Variants in STAT4 observed in about 807,000 individuals in gnomAD.
The protein encoded by STAT4 is signal transducer and activator of transcription 4.
Under a neutral mutation model 110.5 loss-of-function variants are expected in STAT4, and 42 were observed. That is an observed-to-expected ratio of 0.38 (90% CI 0.30 to 0.49). STAT4 has a LOEUF of 0.49. Among genes scored for constraint, STAT4 ranks in the 20% least tolerant of loss-of-function variants. The probability of loss-of-function intolerance (pLI) is 0.95; values close to 1 mark genes in which losing one functional copy is unlikely to be tolerated. For missense variants in STAT4, 632 were observed against 887.9 expected, an observed-to-expected ratio of 0.71 and a Z score of 3.66; for synonymous variants, 284 against 302.2, an observed-to-expected ratio of 0.94 and a Z score of 0.63.
At chr2:191,047,419 G>T (rs1056028863) in intron 14 of STAT4, among the ~76,000 whole-genome samples, 1 of 152,184 alleles carries the variant, frequency 6.6e-6, no homozygotes, top group African/African-American at 2.4e-5. Flanking sequence ...CTTGCAATGG[G>T]CATCTGAATT....
chr2:191,124,170 A>G (rs910093727), intron 3 of STAT4, among the ~76,000 whole-genome samples: 1 of 152,202 alleles, frequency 6.6e-6, no homozygotes, highest in Non-Finnish European at 1.5e-5. Context: ...TAAAAAAGAT[A>G]CTGAGGCCGG....
chr2:191,148,221 A>C lies in STAT4; in HGVS notation c.-1-17T>G. ...TGAGACATGCTATAAAAGAAGGTGTAGAATTAGAGTTTTAAAATATTGTTC... is the reference window on the plus strand; with the variant it reads ...TGAGACATGCTATAAAAGAAGGTGTCGAATTAGAGTTTTAAAATATTGTTC... On this transcript the variant is annotated splice_polypyrimidine_tract_variant and intron_variant, in intron 1 of 23. Transcript: ENST00000392320. 1 of 1,610,912 alleles carries C rather than the reference A, an allele frequency of 6.2e-7. No homozygotes were observed. Among genetic ancestry groups the C allele is most frequent in the Non-Finnish European group, 8.5e-7 (1 of 1,178,922 alleles).
rs1697794381 is a variant in STAT4 at position 191,091,443 on chromosome 2, TA to T, written c.274-15119del. Among the ~76,000 whole-genome samples the T allele has an allele frequency of 1.3e-5, 2 of 152,170 alleles. No individual in the cohort carries two copies. Among genetic ancestry groups the T allele is most frequent in the East Asian group, 1.9e-4 (1 of 5,198 alleles). The stretch of plus-strand genomic sequence containing the variant: ...AACTTTAAAATCTGAGAAGACACAT[TA>T]AAAACATAAATTCTAAATGTGAGAG... On this transcript the variant is annotated intron_variant, in intron 3 of 23. Transcript: ENST00000392320. This position sits in a 1 kb window ranked among gnomAD's most constrained non-coding sequence, Gnocchi z 5.4.
At chr2:191,098,477 G>A (rs1185173515) in intron 3 of STAT4, among the ~76,000 whole-genome samples, 1 of 152,124 alleles carries the variant, frequency 6.6e-6, no homozygotes, top group Non-Finnish European at 1.5e-5. Context: ...CATGGATGAA[G>A]CTGGAAACCC....
At chr2:191,123,723 A>G (rs1490457950) in intron 3 of STAT4, among the ~76,000 whole-genome samples, 1 of 152,248 alleles carries the variant, frequency 6.6e-6, no homozygotes, top group Admixed American at 6.5e-5. Flanking sequence ...TGTATTGAAT[A>G]TAGTACACTG....
intron 3 of STAT4, among the ~76,000 whole-genome samples, chr2:191,106,453 A>C (rs1200919575): frequency 2.6e-5 from 4 of 151,942 alleles, no homozygotes; most frequent in African/African-American, 9.7e-5. Flanking sequence ...TGAGGTCAGG[A>C]GTTCGAGTCT....
At chr2:191,120,732 C>T (rs932206720) in intron 3 of STAT4, among the ~76,000 whole-genome samples, 5 of 152,204 alleles carry the variant, frequency 3.3e-5, no homozygotes, top group Middle Eastern at 3.4e-3. Context: ...ATGTAGAAAG[C>T]GGAAACTGGA....
intron 4 of STAT4, among the ~76,000 whole-genome samples, chr2:191,074,645 C>T (rs1229479053): frequency 6.6e-6 from 1 of 152,128 alleles, no homozygotes; most frequent in African/African-American, 2.4e-5. Context: ...GCTGAGAATA[C>T]ATGTGAGAAT....
At chr2:191,092,858 C>T (rs545746025) in intron 3 of STAT4, among the ~76,000 whole-genome samples, 112 of 152,258 alleles carry the variant, frequency 7.4e-4, no homozygotes, top group Middle Eastern at 3.4e-3. Flanking sequence ...CTGCACTTTT[C>T]CAATGGTTTT....
chr2:191,097,073 G>C (rs1476889657), intron 3 of STAT4, among the ~76,000 whole-genome samples: 1 of 152,090 alleles, frequency 6.6e-6, no homozygotes, highest in Non-Finnish European at 1.5e-5. Flanking sequence ...GGGATGTGAA[G>C]GACCTCTTCA....
intron 3 of STAT4, among the ~76,000 whole-genome samples, chr2:191,127,301 C>T (rs574508290): frequency 9.0e-4 from 137 of 152,262 alleles, no homozygotes; most frequent in Non-Finnish European, 1.7e-3. Flanking sequence ...TCAAGATCTT[C>T]GCTTAAAGTG....
chr2:191,087,071 G>A (rs538567880), intron 3 of STAT4, among the ~76,000 whole-genome samples: 1 of 152,218 alleles, frequency 6.6e-6, no homozygotes, highest in East Asian at 1.9e-4. Context: ...TTAGAGATCT[G>A]ATTGTCTACC....
intron 4 of STAT4, among the ~76,000 whole-genome samples, chr2:191,075,837 CTTTTTT>C (rs71407854): frequency 5.9e-4 from 72 of 121,480 alleles, no homozygotes; most frequent in African/African-American, 2.0e-3. Context: ...TTCTTTCTTT[CTTTTTT>C]TTTTTTTTTT....
Position 191,032,098 on chromosome 2 carries a change from T to A in STAT4, c.2045-582A>T, listed in dbSNP as rs1342534742. ...ATTGATATTTGTTATTTCATTTTTA[T>A]CAGTTGTTGAAAGTCACTGAAAAGC... On this transcript the variant is annotated intron_variant, in intron 21 of 23. Transcript: ENST00000392320. This position sits in a 1 kb window ranked among gnomAD's most constrained non-coding sequence, Gnocchi z 4.9. 1 of 152,276 alleles carries A rather than the reference T, an allele frequency of 6.6e-6. No homozygotes were observed. Among genetic ancestry groups the A allele is most frequent in the East Asian group, 1.9e-4 (1 of 5,200 alleles). 9.4% of individuals were successfully genotyped at this position (152,276 alleles called of 1,614,324 possible). A position where few individuals can be genotyped will look rare whatever the true frequency, so the allele number is the denominator to read the frequency against.
At chr2:191,111,131 A>G (rs1005941623) in intron 3 of STAT4, among the ~76,000 whole-genome samples, 1 of 152,232 alleles carries the variant, frequency 6.6e-6, no homozygotes, top group African/African-American at 2.4e-5. Context: ...TATTACATAT[A>G]AAAAGCAAAA....
Position 191,091,981 on chromosome 2 carries a change from T to G in STAT4, c.274-15656A>C, listed in dbSNP as rs540487689. Among the ~76,000 whole-genome samples, 1 of 152,308 alleles carries G rather than the reference T, an allele frequency of 6.6e-6. No individual in the cohort carries two copies. The highest frequency in any genetic ancestry group is 1.9e-4 in the East Asian group (1 of 5,188). On this transcript the variant is annotated intron_variant, in intron 3 of 23. Coordinates refer to ENST00000392320, the MANE Select transcript of STAT4 (RefSeq NM_003151.4). The surrounding 1 kb of genome is among the most constrained non-coding windows in gnomAD (Gnocchi z 5.4). Reference sequence around the variant, plus strand: ...CAGAGCATAATAGAGAGTTGTGGAATAAAATATTAAATAAGAAAATTAATG... The same window carrying G: ...CAGAGCATAATAGAGAGTTGTGGAAGAAAATATTAAATAAGAAAATTAATG...
chr2:191,064,926 A>T lies in STAT4; in HGVS notation c.663T>A (p.His221Gln). Reference protein sequence around the residue: ...EALSKMTQIIHETDLLMNTML... With the variant: ...EALSKMTQIIQETDLLMNTML... ...TGGTGTTCATTAACAGGTCTGTCTC[A>T]TGGATGATTTGGGTCATTTTACTGA... is the stretch of plus-strand genomic sequence containing the variant. The change falls in exon 8 of 24, where the codon CAT (histidine) becomes CAA (glutamine). Residue 221 changes from histidine to glutamine, a missense_variant. His to Gln is a conservative substitution (Grantham distance 24). Around this residue, in one of 4 missense-constraint regions of STAT4, gnomAD observed 488 missense variants for 632.8 expected, o/e 0.77. Transcript: ENST00000392320. 1 of 1,607,988 alleles carries T rather than the reference A, an allele frequency of 6.2e-7. No homozygotes were observed. The highest frequency in any genetic ancestry group is 2.3e-5 in the East Asian group (1 of 44,122).
chr2:191,132,926 T>A (rs1391978143), intron 3 of STAT4, among the ~76,000 whole-genome samples: 1 of 151,346 alleles, frequency 6.6e-6, no homozygotes, highest in Admixed American at 6.6e-5. Context: ...GGCTAATTTT[T>A]TGTATTTTTA....
chr2:191,133,024 G>A (rs568644063), intron 3 of STAT4, among the ~76,000 whole-genome samples: 1 of 151,484 alleles, frequency 6.6e-6, no homozygotes, highest in Admixed American at 6.6e-5. Context: ...AAAGTGCTGG[G>A]ATTACAGGCG....
Sources: gnomAD v4.1 joint callset for allele counts (sites outside exome capture counted in the v4.1 genomes callset) on GRCh38, gnomAD v4.1.1 for gene constraint, gnomAD v4.1.1 regional missense constraint, Gnocchi (gnomAD v3.1) non-coding constraint, MANE v1.5 for transcripts, NCBI Gene and HGNC (gene_info 2026-07-23, HGNC 2026-07-21) for gene names.